Variants in SYNE2 observed in about 807,000 individuals in gnomAD.
The protein encoded by SYNE2 is nesprin-2.
SYNE2 carries 431 observed loss-of-function variants against 856.3 expected under a neutral mutation model. The observed-to-expected ratio is 0.50, with a 90% CI of 0.47 to 0.55. The LOEUF (loss-of-function observed/expected upper bound fraction) is 0.55. SYNE2 is among the 20% of genes least tolerant of loss of function. SYNE2 has a pLI of 0.00. For synonymous variants in SYNE2, 2,923 were observed against 2,872.3 expected (o/e 1.02, Z -0.56); for missense variants, 8,129 against 8,023.2 (o/e 1.01, Z -0.50).
chr14:64,081,351 C>T, intron 56 of SYNE2, 92 bp from the exon 57 acceptor site: 1 of 1,536,222 alleles, frequency 6.5e-7, no homozygotes, highest in South Asian at 1.1e-5. Flanking sequence ...CCTGACACAC[C>T]CCTGACTAAC....
chr14:63,986,713 C>T (rs2096628366), intron 19 of SYNE2, 96 bp downstream of exon 19: 1 of 1,310,222 alleles, frequency 7.6e-7, no homozygotes, highest in African/African-American at 1.5e-5. Context: ...AATAAGCCTA[C>T]AGTTTTAATT....
chr14:64,045,288 T>C (rs2097177744), intron 45 of SYNE2, among the ~76,000 whole-genome samples: 1 of 152,202 alleles, frequency 6.6e-6, no homozygotes, highest in Admixed American at 6.5e-5. Flanking sequence ...AATAATGCTT[T>C]ACTGTTGTGT....
intron 35 of SYNE2, 104 bp downstream of exon 35, chr14:64,020,197 A>C (rs373500373): frequency 4.9e-6 from 4 of 810,354 alleles, no homozygotes; most frequent in African/African-American, 1.8e-5. Flanking sequence ...TGTCTCTAAA[A>C]GAAGAAAAAA....
At chr14:63,931,573 G>C (rs1468511351) in intron 2 of SYNE2, among the ~76,000 whole-genome samples, 4 of 150,540 alleles carry the variant, frequency 2.7e-5, no homozygotes, top group Non-Finnish European at 3.0e-5. Context: ...AAGAAAGAAA[G>C]AAAGAAACAA....
At chr14:63,840,589 C>T (rs1890032515) in intron 1 of SYNE2, among the ~76,000 whole-genome samples, 1 of 151,646 alleles carries the variant, frequency 6.6e-6, no homozygotes, top group African/African-American at 2.4e-5. Flanking sequence ...GATCATCCCA[C>T]CTCAGCCTCC....
chr14:63,854,163 CTTTT>C (rs35131482), intron 1 of SYNE2, among the ~76,000 whole-genome samples: 4 of 139,278 alleles, frequency 2.9e-5, no homozygotes, highest in Non-Finnish European at 4.6e-5. Context: ...CTTGGCATCA[CTTTT>C]TTTTTTTTTT....
At chr14:63,986,639 G>A in intron 19 of SYNE2, 22 bp downstream of exon 19, 1 of 1,611,580 alleles carries the variant, frequency 6.2e-7, no homozygotes, top group Non-Finnish European at 8.5e-7. Context: ...AAAGTATTAA[G>A]AGGGTACTTT....
chr14:63,867,049 C>G (rs745581027), intron 1 of SYNE2, among the ~76,000 whole-genome samples: 6 of 152,130 alleles, frequency 3.9e-5, no homozygotes, highest in Non-Finnish European at 5.9e-5. Flanking sequence ...ATGTTATAAG[C>G]CTATAACACA....
intron 1 of SYNE2, among the ~76,000 whole-genome samples, chr14:63,767,131 G>T (rs1886714400): frequency 6.7e-6 from 1 of 149,884 alleles, no homozygotes; most frequent in East Asian, 1.9e-4. Flanking sequence ...TTTTGAGATG[G>T]AGTCTGGCTC....
intron 95 of SYNE2, 105 bp downstream of exon 95, chr14:64,175,243 G>A: frequency 7.6e-7 from 1 of 1,318,700 alleles, no homozygotes; most frequent in Admixed American, 2.0e-5. Context: ...ATAGTATCAT[G>A]AGTTTCCAAC....
chr14:63,980,508 T>C, intron 14 of SYNE2, 146 bp from the exon 15 acceptor site: 2 of 602,422 alleles, frequency 3.3e-6, no homozygotes, highest in East Asian at 2.9e-5. Flanking sequence ...TCCTTCTTCC[T>C]GTTTTCCTAC....
chr14:64,110,007 G>T (rs2097794367), intron 65 of SYNE2, among the ~76,000 whole-genome samples: 1 of 152,070 alleles, frequency 6.6e-6, no homozygotes, highest in South Asian at 2.1e-4. Flanking sequence ...ATCAAGCTAG[G>T]CATGACCTCA....
rs566375059 is a variant in SYNE2, at chr14:64,132,262, T to C, written c.14341-3T>C. 3 of 1,613,150 alleles carry C rather than the reference T, an allele frequency of 1.9e-6. No homozygotes were observed. The highest frequency in any genetic ancestry group is 4.5e-5 in the East Asian group (2 of 44,888). On this transcript the variant is annotated splice_polypyrimidine_tract_variant and splice_region_variant and intron_variant, in intron 76 of 115. Transcript: ENST00000555002. Reference sequence around the variant, plus strand: ...AAATATTAAAACTTTCTCCATCTCATAGGTTTTTTTCCAGAAGCTTGTTGC... The same window carrying C: ...AAATATTAAAACTTTCTCCATCTCACAGGTTTTTTTCCAGAAGCTTGTTGC...
intron 2 of SYNE2, among the ~76,000 whole-genome samples, chr14:63,912,204 A>T (rs760556686): frequency 1.3e-5 from 2 of 152,214 alleles, no homozygotes; most frequent in Non-Finnish European, 2.9e-5. Flanking sequence ...CCATATTGTT[A>T]TCAGTGAATT....
chr14:64,046,032 T>C (rs2097183850), intron 45 of SYNE2, among the ~76,000 whole-genome samples: 1 of 152,258 alleles, frequency 6.6e-6, no homozygotes, highest in Non-Finnish European at 1.5e-5. Flanking sequence ...TCAAAGATTC[T>C]ATGGACATGA....
rs182807926 is a variant in SYNE2 at position 64,022,766 on chromosome 14, T to G, written c.5540T>G (p.Phe1847Cys). 100 of 1,601,276 alleles carry G rather than the reference T, an allele frequency of 6.2e-5. No homozygotes were observed. The highest frequency in any genetic ancestry group is 4.0e-4 in the Admixed American group (24 of 59,844). The change falls in exon 38 of 116, where the codon TTT (phenylalanine) becomes TGT (cysteine). Residue 1847 changes from phenylalanine to cysteine, a missense_variant. By Grantham distance (205) the Phe-to-Cys change is radical (BLOSUM62 -2). Around this residue, in one of 3 missense-constraint regions of SYNE2, gnomAD observed 2,422 missense variants for 2,357.4 expected, o/e 1.03. Coordinates refer to ENST00000555002, the MANE Select transcript of SYNE2 (RefSeq NM_182914.3). The stretch of plus-strand genomic sequence containing the variant: ...CCCCCTGCAGATCAATGCAAGAACT[T>G]TAATGACTGGTTCAGCAACATTAAA... ...SKLLNDQCKN[F>C]NDWFSNIKVN...
intron 70 of SYNE2, among the ~76,000 whole-genome samples, chr14:64,124,500 A>T (rs1450141365): frequency 6.6e-6 from 1 of 151,376 alleles, no homozygotes; most frequent in Non-Finnish European, 1.5e-5. Context: ...CTAGGATTAT[A>T]GGCATAAGCC....
chr14:64,200,858 C>T (rs184845601), intron 99 of SYNE2, among the ~76,000 whole-genome samples: 6 of 152,110 alleles, frequency 3.9e-5, no homozygotes, highest in Admixed American at 2.0e-4. Context: ...ATGGCCAGGA[C>T]GCAAACCCAG....
At chr14:63,840,702 T>TC (rs1466079179) in intron 1 of SYNE2, among the ~76,000 whole-genome samples, 7 of 152,072 alleles carry the variant, frequency 4.6e-5, no homozygotes, top group African/African-American at 1.7e-4. Flanking sequence ...CTTCACTTCT[T>TC]TAGGTCTCCT....
Sources: allele counts gnomAD v4.1 joint callset (sites outside exome capture counted in the v4.1 genomes callset), GRCh38; gene constraint gnomAD v4.1.1; regional missense constraint gnomAD v4.1.1; transcripts MANE v1.5; gene names NCBI Gene and HGNC (gene_info 2026-07-23, HGNC 2026-07-21).